The following PELI2 variants were observed in gnomAD, a reference collection of about 807,000 sequenced individuals.
PELI2 encodes pellino E3 ubiquitin protein ligase family member 2, also known as E3 ubiquitin-protein ligase pellino homolog 2.
PELI2 carries 23 observed loss-of-function variants against 42.3 expected under a neutral mutation model. The ratio of observed to expected loss-of-function variants is 0.54; its 90% CI spans 0.39 to 0.77. The LOEUF (loss-of-function observed/expected upper bound fraction) is 0.77. Ranked by LOEUF, PELI2 falls within the 30% of genes least tolerant of loss-of-function variation. The pLI is 0.00. For missense variants in PELI2, 463 were observed against 553.2 expected (o/e 0.84, Z 1.64); for synonymous variants, 245 against 212.2 (o/e 1.15, Z -1.34).
chr14:56,218,818 T>C (rs933758634), intron 2 of PELI2, among the ~76,000 whole-genome samples: 2 of 152,166 alleles, frequency 1.3e-5, no homozygotes, highest in Non-Finnish European at 2.9e-5. Flanking sequence ...AGAGAGCTAT[T>C]GGTCTGAAAC....
At chr14:56,230,588 C>T (rs1243303053) in intron 2 of PELI2, among the ~76,000 whole-genome samples, 1 of 152,180 alleles carries the variant, frequency 6.6e-6, no homozygotes, top group Non-Finnish European at 1.5e-5. Context: ...CTTACAAGAG[C>T]TCCTGAAGGA....
At chr14:56,153,820 G>A (rs898635749) in intron 1 of PELI2, among the ~76,000 whole-genome samples, 1 of 152,170 alleles carries the variant, frequency 6.6e-6, no homozygotes, top group African/African-American at 2.4e-5. Context: ...GAGATAATGT[G>A]TGGATTAGTG....
Position 56,252,324 on chromosome 14 carries a change from A to G in PELI2, c.208-27352A>G, listed in dbSNP as rs560850699. On this transcript the variant is annotated intron_variant, in intron 2 of 5. Transcript: ENST00000267460. ...AGGTGTTCCTATACCTTGTTCATCA[A>G]TATCACAATGTCTTACTGGGACACC... is the stretch of plus-strand genomic sequence containing the variant. Among the ~76,000 whole-genome samples the G allele has an allele frequency of 6.6e-4, 100 of 152,350 alleles. 1 individual carries two copies. Among genetic ancestry groups the G allele is most frequent in the Non-Finnish European group, 1.3e-3 (88 of 68,028 alleles).
chr14:56,174,068 A>T (rs1566619511), intron 1 of PELI2, among the ~76,000 whole-genome samples: 1 of 151,898 alleles, frequency 6.6e-6, no homozygotes, highest in African/African-American at 2.4e-5. Flanking sequence ...TGCCCAGCTA[A>T]TTTTTTGTAT....
rs377098194 is a variant in PELI2 at position 56,256,179 on chromosome 14, G to A, written c.208-23497G>A. Among the ~76,000 whole-genome samples the A allele has an allele frequency of 1.4e-4, 21 of 152,204 alleles. 1 individual carries two copies. Among genetic ancestry groups the A allele is most frequent in the Admixed American group, 8.5e-4 (13 of 15,284 alleles). On this transcript the variant is annotated intron_variant, in intron 2 of 5. Transcript: ENST00000267460. ...GCAGTGGCTCATGCCTGTAATCCTA[G>A]CACTATGGGAGGCTGAGGCAGGAGG...
chr14:56,163,628 A>C (rs552448769), intron 1 of PELI2, among the ~76,000 whole-genome samples: 1 of 151,718 alleles, frequency 6.6e-6, no homozygotes, highest in African/African-American at 2.4e-5. Flanking sequence ...CTGGTATTTC[A>C]ATAGGGATTT....
At position 56,230,529 on chromosome 14, in the gene PELI2, C is replaced by A. The variant is rs545384336; in HGVS notation, c.208-49147C>A. Among the ~76,000 whole-genome samples, 372 of 152,222 alleles carry A rather than the reference C, an allele frequency of 2.4e-3. 2 individuals are homozygous for A. The highest frequency in any genetic ancestry group is 0.017 in the Middle Eastern group (5 of 294). ...TTCAGAAGTGAAGGAGAAATAAAAT[C>A]CTTTACACACAAGCAAATGCTGAGA... On this transcript the variant is annotated intron_variant, in intron 2 of 5. Transcript: ENST00000267460.
chr14:56,279,246 A>G (rs1264289753), intron 2 of PELI2, among the ~76,000 whole-genome samples: 4 of 152,180 alleles, frequency 2.6e-5, no homozygotes, highest in Non-Finnish European at 5.9e-5. Flanking sequence ...TGATTCTTTT[A>G]TGATGCTGAT....
chr14:56,148,617 T>C (rs1884221715), intron 1 of PELI2, among the ~76,000 whole-genome samples: 1 of 152,234 alleles, frequency 6.6e-6, no homozygotes. Context: ...AGACTCAGTG[T>C]AGGTGCCTCA....
chr14:56,255,660 GT>G (rs1888503184), intron 2 of PELI2, among the ~76,000 whole-genome samples: 2 of 152,136 alleles, frequency 1.3e-5, no homozygotes, highest in Admixed American at 1.3e-4. Flanking sequence ...TTGGGGGAAG[GT>G]GGTGGACCAC....
At chr14:56,183,979 A>G (rs911398212) in intron 2 of PELI2, among the ~76,000 whole-genome samples, 2 of 152,124 alleles carry the variant, frequency 1.3e-5, no homozygotes, top group African/African-American at 4.8e-5. Flanking sequence ...TCTCTGGATG[A>G]TGCAATAGGA....
At chr14:56,126,315 A>G (rs1319139990) in intron 1 of PELI2, among the ~76,000 whole-genome samples, 1 of 152,152 alleles carries the variant, frequency 6.6e-6, no homozygotes, top group African/African-American at 2.4e-5. Context: ...CCTAATAAAT[A>G]TGCATCAGGG....
At chr14:56,276,136 A>T (rs1354735366) in intron 2 of PELI2, among the ~76,000 whole-genome samples, 1 of 152,238 alleles carries the variant, frequency 6.6e-6, no homozygotes, top group Non-Finnish European at 1.5e-5. Flanking sequence ...GTTCAATGCC[A>T]TATGTACTTG....
In PELI2 at chr14:56,124,970, A is replaced by G. The variant is rs1222483386; in HGVS notation, c.77+6233A>G. 5.3e-5 allele frequency among the ~76,000 whole-genome samples: 8 copies of G among 152,192 alleles called. No individual in the cohort carries two copies. The East Asian group carries it at 1.5e-3, about 29-fold the overall frequency. On this transcript the variant is annotated intron_variant, in intron 1 of 5. Coordinates refer to ENST00000267460, the MANE Select transcript of PELI2 (RefSeq NM_021255.3). ...TTGGAAGGGGTTTGGACTTTACCCT[A>G]AGAGCACAGGAGACTGTCTCAGGGT...
At chr14:56,244,881 C>T (rs938995862) in intron 2 of PELI2, among the ~76,000 whole-genome samples, 5 of 152,180 alleles carry the variant, frequency 3.3e-5, no homozygotes, top group Non-Finnish European at 7.3e-5. Context: ...CAGACTGAAT[C>T]TGTCTCTTCC....
At chr14:56,120,216 C>G (rs1005933889) in intron 1 of PELI2, among the ~76,000 whole-genome samples, 1 of 152,214 alleles carries the variant, frequency 6.6e-6, no homozygotes, top group African/African-American at 2.4e-5. Flanking sequence ...TTTAGTCTGT[C>G]TTATGTAACT....
At chr14:56,251,015 A>G (rs1888325357) in intron 2 of PELI2, among the ~76,000 whole-genome samples, 1 of 152,216 alleles carries the variant, frequency 6.6e-6, no homozygotes, top group South Asian at 2.1e-4. Flanking sequence ...CTCTGAGGCC[A>G]CATAGCCACC....
At chr14:56,272,475 C>T (rs921147070) in intron 2 of PELI2, among the ~76,000 whole-genome samples, 1 of 152,192 alleles carries the variant, frequency 6.6e-6, no homozygotes, top group African/African-American at 2.4e-5. Flanking sequence ...ATACATCATA[C>T]ATGTAGTTTG....
chr14:56,298,841 T>C lies in PELI2; in HGVS notation c.*1675T>C, dbSNP rs1337427746. 2 of 152,378 alleles carry C rather than the reference T, an allele frequency of 1.3e-5. No individual in the cohort carries two copies. Among genetic ancestry groups the C allele is most frequent in the Non-Finnish European group, 2.9e-5 (2 of 68,034 alleles). The allele number at this position is 152,378 out of a possible 1,614,324, so 9.4% of individuals were successfully genotyped here. A position where few individuals can be genotyped will look rare whatever the true frequency, so the allele number is the denominator to read the frequency against. ...GTTTAGGATGAGACATTTTTGGTTT[T>C]GGTTTTGTTTGGGTAAATTTTAAAT... On this transcript the variant is annotated 3_prime_UTR_variant, in exon 6 of 6. Transcript: ENST00000267460.
Sources: allele counts gnomAD v4.1 joint callset (sites outside exome capture counted in the v4.1 genomes callset), GRCh38; gene constraint gnomAD v4.1.1; transcripts MANE v1.5; gene names NCBI Gene and HGNC (gene_info 2026-07-23, HGNC 2026-07-21).